The following ABCA4 variants were observed in gnomAD, a reference collection of about 807,000 sequenced individuals.
The protein encoded by ABCA4 is retinal-specific phospholipid-transporting ATPase ABCA4.
A neutral mutation model predicts 263.7 loss-of-function variants in ABCA4; 196 were observed. The ratio of observed to expected loss-of-function variants is 0.74; its 90% CI spans 0.66 to 0.84. The LOEUF is 0.84. Ranked by LOEUF, ABCA4 falls within the 40% of genes least tolerant of loss-of-function variation. ABCA4 has a pLI of 0.00. For synonymous variants in ABCA4, 1,133 were observed against 1,094.2 expected (o/e 1.04, Z -0.70); for missense variants, 2,792 against 2,855.1 (o/e 0.98, Z 0.50).
At chr1:94,092,815 G>A (rs1385053984) in intron 6 of ABCA4, among the ~76,000 whole-genome samples, 1 of 151,716 alleles carries the variant, frequency 6.6e-6, no homozygotes, top group East Asian at 1.9e-4. Context: ...GTCTGGGGGG[G>A]TCTGAAGAAG....
chr1:93,995,801 C>T (rs1658983026), intron 49 of ABCA4, among the ~76,000 whole-genome samples: 1 of 152,204 alleles, frequency 6.6e-6, no homozygotes, highest in Non-Finnish European at 1.5e-5. Context: ...AGCTTTTTTG[C>T]TGTAAGCAAA....
At chr1:94,066,718 C>A (rs1341904543) in intron 11 of ABCA4, among the ~76,000 whole-genome samples, 1 of 152,216 alleles carries the variant, frequency 6.6e-6, no homozygotes. Context: ...GTTCCCCTAT[C>A]CTTGCTCTGA....
intron 32 of ABCA4, 83 bp downstream of exon 32, chr1:94,023,303 T>G: frequency 8.4e-7 from 1 of 1,186,610 alleles, no homozygotes; most frequent in Non-Finnish European, 1.2e-6. Context: ...CTCATGGCTG[T>G]GAGGTGTGCC....
At chr1:94,090,130 A>G (rs1181965710) in intron 6 of ABCA4, among the ~76,000 whole-genome samples, 3 of 152,178 alleles carry the variant, frequency 2.0e-5, no homozygotes, top group Admixed American at 6.5e-5. Flanking sequence ...AGCTAACCCA[A>G]GCAGACATGG....
intron 31 of ABCA4, among the ~76,000 whole-genome samples, chr1:94,024,449 G>A (rs1659982119): frequency 6.6e-6 from 1 of 152,226 alleles, no homozygotes; most frequent in African/African-American, 2.4e-5. Context: ...GAATATGACA[G>A]CTGCAGTTGA....
In ABCA4 at chr1:94,029,453, G is replaced by T. The variant is rs1316934987; in HGVS notation, c.4531C>A (p.Pro1511Thr). The change falls in exon 30 of 50, where the codon CCC becomes ACC. Residue 1511 changes from proline to threonine, a missense_variant. Pro to Thr is a conservative substitution (Grantham distance 38). Transcript: ENST00000370225. ...ECPEGAGGLP[P>T]PQRTQRSTEI... ...GTTTGGAGGTCAGGTACCTGGGGGG[G>T]CGGGAGGCCCCCGGCACCCTCGGGG... 1.9e-6 allele frequency: 3 copies of T among 1,552,028 alleles called. No individual in the cohort carries two copies. The East Asian group carries it at 7.2e-5, about 37-fold the overall frequency.
intron 6 of ABCA4, among the ~76,000 whole-genome samples, chr1:94,096,152 T>C (rs1662120359): frequency 6.6e-6 from 1 of 152,202 alleles, no homozygotes; most frequent in South Asian, 2.1e-4. Flanking sequence ...TCTAGGTCAG[T>C]GATTCTCAAT....
chr1:94,001,816 C>T (rs763048187), intron 45 of ABCA4, 42 bp downstream of exon 45: 45 of 1,613,922 alleles, frequency 2.8e-5, no homozygotes, highest in Non-Finnish European at 3.7e-5. Context: ...AGAGACCCAG[C>T]ACTTGGTTTA....
At position 94,015,744 on chromosome 1, in the gene ABCA4, C is replaced by G. The variant is rs146443426; in HGVS notation, c.5307G>C (p.Leu1769=). ...NLPALVALLL[L]YGWAVIPMMY... Reference sequence around the variant, plus strand: ...TAATGGCCCAAACGGCTTACCCATACAGCAGGAGCAGTGCCACAAGGGCAG... The same window carrying G: ...TAATGGCCCAAACGGCTTACCCATAGAGCAGGAGCAGTGCCACAAGGGCAG... Residue 1769 remains leucine, a synonymous_variant, in exon 37 of 50, where the codon CTG becomes CTC. Coordinates refer to ENST00000370225, the MANE Select transcript of ABCA4 (RefSeq NM_000350.3). 202 of 1,613,272 alleles carry G rather than the reference C, an allele frequency of 1.3e-4. No homozygotes were observed. The African/African-American group carries it at 2.5e-3, about 20-fold the overall frequency.
chr1:94,113,975 A>G (rs1662680423), intron 1 of ABCA4, among the ~76,000 whole-genome samples: 1 of 152,236 alleles, frequency 6.6e-6, no homozygotes, highest in Non-Finnish European at 1.5e-5. Flanking sequence ...GGAGAGGGAC[A>G]TGTGAGTTGG....
chr1:93,997,880 G>GT lies in ABCA4; in HGVS notation c.6709dup (p.Thr2237AsnfsTer14), dbSNP rs281865383. ...ACTTGCCTGGTCCAGTGTGGTCTGT[G>GT]TGACTGAGTACTCCTCGATGAGCAG... On this transcript the variant is annotated frameshift_variant, in exon 48 of 50. Transcript: ENST00000370225. LOFTEE classifies it high-confidence loss of function. 8 of 1,614,130 alleles carry GT rather than the reference G, an allele frequency of 5.0e-6. No individual in the cohort carries two copies. Among genetic ancestry groups the GT allele is most frequent in the Non-Finnish European group, 6.8e-6 (8 of 1,180,016 alleles).
At chr1:94,107,605 A>C (rs2101153385) in intron 4 of ABCA4, among the ~76,000 whole-genome samples, 1 of 151,780 alleles carries the variant, frequency 6.6e-6, no homozygotes, top group African/African-American at 2.4e-5. Context: ...ACTCTTCCTG[A>C]CTCCAGGTGG....
In ABCA4 at chr1:94,044,659, G is replaced by A. The variant is rs757678409; in HGVS notation, c.3004C>T (p.Arg1002Trp). 18 of 1,614,176 alleles carry A rather than the reference G, an allele frequency of 1.1e-5. No homozygotes were observed. The highest frequency in any genetic ancestry group is 1.6e-4 in the Middle Eastern group (1 of 6,062). Residue 1002 changes from arginine (R) to tryptophan (W), a missense_variant, in exon 20 of 50, where the codon CGG becomes TGG. By Grantham distance (101) the Arg-to-Trp change is moderately radical (BLOSUM62 -3). Coordinates refer to ENST00000370225, the MANE Select transcript of ABCA4 (RefSeq NM_000350.3). ...RDIETSLDAV[R>W]QSLGMCPQHN... ...TGTGGACACATGCCAAGGCTCTGCC[G>A]GACTGCATCCAGGCTGGTTTCAATG...
chr1:94,035,491 T>A (rs1332885414), intron 26 of ABCA4, among the ~76,000 whole-genome samples: 4 of 152,210 alleles, frequency 2.6e-5, no homozygotes, highest in Admixed American at 6.5e-5. Context: ...ATGTGTCCAT[T>A]GGTAGTTCTA....
chr1:94,048,899 C>A lies in ABCA4; in HGVS notation c.2712G>T (p.Thr904=). The A allele has an allele frequency of 6.2e-7, 1 of 1,614,128 alleles. No individual in the cohort carries two copies. The highest frequency in any genetic ancestry group is 8.5e-7 in the Non-Finnish European group (1 of 1,180,018). The change falls in exon 18 of 50, where the codon ACG becomes ACT. Residue 904 remains threonine (T), a synonymous_variant. Coordinates refer to ENST00000370225, the MANE Select transcript of ABCA4 (RefSeq NM_000350.3). ...LEKTEPLTEE[T]EDPEHPEGIH... is the part of the protein sequence containing the mutation. ...TTCCTTCTGGGTGCTCTGGATCCTC[C>A]GTTTCCTCTGTTAGGGGCTCGGTCT...
chr1:94,025,762 T>C (rs1660026085), intron 30 of ABCA4, among the ~76,000 whole-genome samples: 1 of 152,226 alleles, frequency 6.6e-6, no homozygotes, highest in South Asian at 2.1e-4. Context: ...ATAGCTCTCA[T>C]TTCCATCTGA....
chr1:94,088,387 T>C (rs1661887565), intron 6 of ABCA4, among the ~76,000 whole-genome samples: 1 of 152,102 alleles, frequency 6.6e-6, no homozygotes, highest in South Asian at 2.1e-4. Context: ...CCCCGGATAG[T>C]CTCATTTCCT....
chr1:94,011,039 G>C (rs1659531849), intron 39 of ABCA4, 110 bp from the exon 40 acceptor site: 1 of 1,591,864 alleles, frequency 6.3e-7, no homozygotes, highest in Admixed American at 1.7e-5. Flanking sequence ...CTGAGCAAGA[G>C]CCAAACACCC....
chr1:94,081,404 C>T (rs527796709), intron 7 of ABCA4, among the ~76,000 whole-genome samples: 1 of 152,020 alleles, frequency 6.6e-6, no homozygotes, highest in South Asian at 2.1e-4. Flanking sequence ...GATGGGGATA[C>T]TGGGGAGAAA....
Sources: gnomAD v4.1 joint callset for allele counts (sites outside exome capture counted in the v4.1 genomes callset) on GRCh38, gnomAD v4.1.1 for gene constraint, MANE v1.5 for transcripts, NCBI Gene and HGNC (gene_info 2026-07-23, HGNC 2026-07-21) for gene names.